Variants in NIPAL3 observed in about 807,000 individuals in gnomAD.
The protein encoded by NIPAL3 is NIPA like domain containing 3, also known as NIPA-like protein 3.
A neutral mutation model predicts 47.2 loss-of-function variants in NIPAL3; 41 were observed. The ratio of observed to expected loss-of-function variants is 0.87; its 90% CI spans 0.68 to 1.13. NIPAL3 has a LOEUF of 1.13. Among genes scored for constraint, NIPAL3 ranks in the 50% most tolerant of loss-of-function variants. The pLI, the probability that NIPAL3 is intolerant of heterozygous loss-of-function variation, is 0.00. For missense variants in NIPAL3, 449 were observed against 530.1 expected (o/e 0.85, Z 1.50); for synonymous variants, 194 against 209.6 (o/e 0.93, Z 0.64).
At position 24,470,633 on chromosome 1, in the gene NIPAL3, T is replaced by G. The variant is rs1050238769; in HGVS notation, c.*1448T>G. ...ATTTCTCCATCCAATGAATACTACT[T>G]AGAGCTACACTCACCACTTCCCTAG... On this transcript the variant is annotated 3_prime_UTR_variant, in exon 12 of 12. Transcript: ENST00000374399. 1.3e-5 allele frequency: 2 copies of G among 152,220 alleles called. No individual in the cohort carries two copies. The highest frequency in any genetic ancestry group is 2.9e-5 in the Non-Finnish European group (2 of 68,042). The allele number at this position is 152,220 out of a possible 1,614,324, so 9.4% of individuals were successfully genotyped here.
At chr1:24,435,301 A>G (rs993437968) in intron 2 of NIPAL3, among the ~76,000 whole-genome samples, 1 of 152,252 alleles carries the variant, frequency 6.6e-6, no homozygotes, top group Non-Finnish European at 1.5e-5. Flanking sequence ...TAAAATTCTT[A>G]GAAGAAATAA....
At chr1:24,422,566 A>G (rs1188057517) in intron 2 of NIPAL3, among the ~76,000 whole-genome samples, 1 of 152,148 alleles carries the variant, frequency 6.6e-6, no homozygotes, top group Non-Finnish European at 1.5e-5. Context: ...GTGGTTTTGC[A>G]TAGCTAGGCT....
chr1:24,472,932 A>G lies in NIPAL3; in HGVS notation c.*3747A>G, dbSNP rs1646952605. ...TTAAAAAAAAAAAAGTACTAGGTGC[A>G]AATAACATTATGAAGTGGTATTTAA... On this transcript the variant is annotated 3_prime_UTR_variant, in exon 12 of 12. Coordinates refer to ENST00000374399, the MANE Select transcript of NIPAL3 (RefSeq NM_020448.5). 1 of 152,144 alleles carries G rather than the reference A, an allele frequency of 6.6e-6. No homozygotes were observed. Among genetic ancestry groups the G allele is most frequent in the Non-Finnish European group, 1.5e-5 (1 of 68,026 alleles). The allele number at this position is 152,144 out of a possible 1,614,324, so 9.4% of individuals were successfully genotyped here.
At chr1:24,466,670 C>T (rs1646711159) in intron 11 of NIPAL3, among the ~76,000 whole-genome samples, 1 of 152,216 alleles carries the variant, frequency 6.6e-6, no homozygotes, top group Non-Finnish European at 1.5e-5. Flanking sequence ...GTACACCTCT[C>T]TCATTGCAAT....
chr1:24,445,063 GAGTGAC>G (rs1645592576), intron 4 of NIPAL3, 116 bp from the exon 5 acceptor site: 1 of 613,428 alleles, frequency 1.6e-6, no homozygotes, highest in Admixed American at 2.9e-5. Context: ...TTGGCAGCAT[GAGTGAC>G]AGGTTAGGAA....
chr1:24,437,567 T>A (rs1645181014), intron 2 of NIPAL3, among the ~76,000 whole-genome samples: 1 of 150,898 alleles, frequency 6.6e-6, no homozygotes, highest in South Asian at 2.1e-4. Context: ...ATTGGGCTGT[T>A]CCTGGCTTCA....
chr1:24,455,065 CAGT>C (rs1646129771), intron 7 of NIPAL3, among the ~76,000 whole-genome samples: 1 of 152,226 alleles, frequency 6.6e-6, no homozygotes, highest in Admixed American at 6.5e-5. Context: ...CGTTTGGAAA[CAGT>C]AGCCTAATGG....
chr1:24,440,425 G>C (rs535680235), intron 3 of NIPAL3, among the ~76,000 whole-genome samples, 185 bp downstream of exon 3: 1 of 152,052 alleles, frequency 6.6e-6, no homozygotes, highest in Non-Finnish European at 1.5e-5. Flanking sequence ...ACTCCATCCC[G>C]CCCTCGCCCT....
chr1:24,460,380 A>T (rs144440974), intron 9 of NIPAL3, 101 bp from the exon 10 acceptor site: 3 of 885,966 alleles, frequency 3.4e-6, no homozygotes, highest in Non-Finnish European at 5.2e-6. Flanking sequence ...TGATCATTTT[A>T]GTTTCCTAAA....
At chr1:24,443,150 C>A (rs1173307250) in intron 4 of NIPAL3, among the ~76,000 whole-genome samples, 1 of 152,144 alleles carries the variant, frequency 6.6e-6, no homozygotes, top group African/African-American at 2.4e-5. Context: ...AATCACTGAA[C>A]CAGTGTTTCA....
intron 8 of NIPAL3, 42 bp downstream of exon 8, chr1:24,456,315 G>A (rs767100845): frequency 8.7e-6 from 14 of 1,613,288 alleles, no homozygotes; most frequent in East Asian, 2.2e-5. Context: ...TGCCATTCGG[G>A]CTGCTTCTCT....
At position 24,471,893 on chromosome 1, in the gene NIPAL3, C is replaced by T. The variant is rs195729; in HGVS notation, c.*2708C>T. ...ATTTTTCTAAAGCTGGGAGTGGAGGCAGGAGGGAGAAACAGAAGGTGAGCA... is the reference window on the plus strand; with the variant it reads ...ATTTTTCTAAAGCTGGGAGTGGAGGTAGGAGGGAGAAACAGAAGGTGAGCA... On this transcript the variant is annotated 3_prime_UTR_variant, in exon 12 of 12. Transcript: ENST00000374399. 63,392 of 151,846 alleles carry T rather than the reference C, an allele frequency of 0.42. 14,816 individuals carry two copies. Among genetic ancestry groups the T allele is most frequent in the East Asian group, 0.67 (3,457 of 5,172 alleles). The allele number at this position is 151,846 out of a possible 1,614,324, so 9.4% of individuals were successfully genotyped here.
At chr1:24,452,330 G>A (rs952911942) in intron 6 of NIPAL3, among the ~76,000 whole-genome samples, 1 of 152,204 alleles carries the variant, frequency 6.6e-6, no homozygotes, top group African/African-American at 2.4e-5. Flanking sequence ...AAGTGCATGG[G>A]CCTGGGAGCC....
Position 24,472,339 on chromosome 1 carries a change from T to G in NIPAL3, c.*3154T>G, listed in dbSNP as rs954374562. On this transcript the variant is annotated 3_prime_UTR_variant, in exon 12 of 12. Transcript: ENST00000374399. ...TTGGGCTGGTTCCTCCCAATCTTTG[T>G]CCAGTGGTATAAATGGACTGTCTGC... The G allele has an allele frequency of 6.6e-6, 1 of 152,206 alleles. No homozygotes were observed. The highest frequency in any genetic ancestry group is 6.5e-5 in the Admixed American group (1 of 15,280). 9.4% of individuals were successfully genotyped at this position (152,206 alleles called of 1,614,324 possible). A position where few individuals can be genotyped will look rare whatever the true frequency, so the allele number is the denominator to read the frequency against.
At chr1:24,440,263 GTC>G (rs1220107800) in intron 3 of NIPAL3, 23 bp downstream of exon 3, 1 of 1,546,326 alleles carries the variant, frequency 6.5e-7, no homozygotes, top group Admixed American at 2.0e-5. Flanking sequence ...TACCAGCACT[GTC>G]TGGGGACAGA....
chr1:24,457,761 T>G (rs777505183), intron 8 of NIPAL3: 1 of 533,440 alleles, frequency 1.9e-6, no homozygotes, highest in Non-Finnish European at 3.8e-6. Context: ...CTTCACCTGC[T>G]AATGAGAACA....
In NIPAL3 at chr1:24,469,191, G is replaced by A. The variant is rs773042716; in HGVS notation, c.*6G>A. The A allele has an allele frequency of 3.7e-5, 59 of 1,611,482 alleles. No individual in the cohort carries two copies. The highest frequency in any genetic ancestry group is 1.7e-4 in the Admixed American group (10 of 59,854). On this transcript the variant is annotated 3_prime_UTR_variant, in exon 12 of 12. Transcript: ENST00000374399. ...AGCACACCAAGAAGGAATGAGACTC[G>A]CCTCCCTCTATTTATAACTGTCCCC... is the stretch of plus-strand genomic sequence containing the variant.
At chr1:24,459,402 G>T (rs1026638214) in intron 9 of NIPAL3, among the ~76,000 whole-genome samples, 2 of 152,156 alleles carry the variant, frequency 1.3e-5, no homozygotes, top group African/African-American at 4.8e-5. Flanking sequence ...CATCATCAAT[G>T]CTCAATAAGT....
chr1:24,436,670 AT>A (rs1399133826), intron 2 of NIPAL3, among the ~76,000 whole-genome samples: 10 of 150,880 alleles, frequency 6.6e-5, no homozygotes, highest in East Asian at 2.0e-4. Flanking sequence ...TGGGTTGTTT[AT>A]TTTTTTTGGT....
Sources: allele counts gnomAD v4.1 joint callset (sites outside exome capture counted in the v4.1 genomes callset), GRCh38; gene constraint gnomAD v4.1.1; transcripts MANE v1.5; gene names NCBI Gene and HGNC (gene_info 2026-07-23, HGNC 2026-07-21).